The following MAP3K7CL variants were observed in gnomAD, a reference collection of about 807,000 sequenced individuals.
The protein encoded by MAP3K7CL is MAP3K7 C-terminal like, also known as MAP3K7 C-terminal-like protein.
MAP3K7CL carries 16 observed loss-of-function variants against 18.6 expected under a neutral mutation model. The observed-to-expected ratio is 0.86, with a 90% confidence interval of 0.58 to 1.31. MAP3K7CL has a LOEUF of 1.31. Among genes scored for constraint, MAP3K7CL ranks in the 50% most tolerant of loss-of-function variants. The probability of loss-of-function intolerance (pLI) is 0.00; values close to 1 mark genes in which losing one functional copy is unlikely to be tolerated. For missense variants in MAP3K7CL, 163 were observed against 174.4 expected (o/e 0.93, Z 0.37); for synonymous variants, 65 against 66.8 (o/e 0.97, Z 0.13).
At chr21:29,129,238 A>G (rs1201813753), upstream of MAP3K7CL, among the ~76,000 whole-genome samples, 3 of 152,168 alleles carry the variant, frequency 2.0e-5, no homozygotes, top group East Asian at 3.8e-4. Context: ...TGTACATTCT[A>G]TGGGTTTGGA....
At chr21:29,087,001 A>G (rs2085936399) in intron 1 of MAP3K7CL, among the ~76,000 whole-genome samples, 2 of 152,206 alleles carry the variant, frequency 1.3e-5, no homozygotes, top group African/African-American at 4.8e-5. Flanking sequence ...AGTTCCTCTA[A>G]GGAGTGGCAT....
At chr21:29,157,881 T>C (rs867214221) in intron 3 of MAP3K7CL, among the ~76,000 whole-genome samples, 56 of 152,336 alleles carry the variant, frequency 3.7e-4, no homozygotes, top group African/African-American at 1.3e-3. Flanking sequence ...GCAAAAGACA[T>C]ATCTCCCTTT....
intron 4 of MAP3K7CL, among the ~76,000 whole-genome samples, chr21:29,106,747 A>G (rs935133544): frequency 1.3e-5 from 2 of 152,070 alleles, no homozygotes; most frequent in Non-Finnish European, 2.9e-5. Flanking sequence ...TGCGTCTCAG[A>G]CTAGTTTCTG....
intron 3 of MAP3K7CL, among the ~76,000 whole-genome samples, chr21:29,152,116 T>C (rs2087289679): frequency 6.6e-6 from 1 of 152,188 alleles, no homozygotes; most frequent in Admixed American, 6.5e-5. Context: ...GAGTGAGTGT[T>C]ACAAACATTT....
chr21:29,166,247 G>A (rs1021259743), intron 4 of MAP3K7CL, among the ~76,000 whole-genome samples: 3 of 152,084 alleles, frequency 2.0e-5, no homozygotes, highest in Non-Finnish European at 4.4e-5. Context: ...ATAGGAGCGT[G>A]ATTGTGTGGT....
upstream of MAP3K7CL, among the ~76,000 whole-genome samples, chr21:29,130,187 A>G (rs1283925074): frequency 6.6e-6 from 1 of 152,224 alleles, no homozygotes. Flanking sequence ...AATGACATCC[A>G]GGTTTACAGT....
chr21:29,103,285 C>T (rs2832175), intron 4 of MAP3K7CL, among the ~76,000 whole-genome samples: 57,776 of 151,964 alleles, frequency 0.38, 12,274 homozygotes, highest in South Asian at 0.52. Context: ...ACCATTTGGC[C>T]GTATGTTACA....
chr21:29,081,974 T>G (rs190091219), upstream of MAP3K7CL, among the ~76,000 whole-genome samples: 130 of 152,360 alleles, frequency 8.5e-4, no homozygotes, highest in African/African-American at 3.1e-3. Flanking sequence ...CTGATTCTTA[T>G]GTAGAATTTG....
chr21:29,082,057 G>A (rs2085845137), upstream of MAP3K7CL, among the ~76,000 whole-genome samples: 1 of 152,172 alleles, frequency 6.6e-6, no homozygotes, highest in South Asian at 2.1e-4. Flanking sequence ...AAACAGGGAT[G>A]TTTTGACTAC....
rs1266312958 is a variant in MAP3K7CL, at chr21:29,149,363, C to T, written c.132+113C>T. ...ACTGACTTGGACCCAGAATGTGGGG[C>T]TTTGAAGTCATCAAGGATTACATTT... is the stretch of plus-strand genomic sequence containing the variant. On this transcript the variant is annotated intron_variant, in intron 3 of 4. Transcript: ENST00000399928. 1.3e-4 allele frequency: 112 copies of T among 887,756 alleles called. No homozygotes were observed. In the East Asian group the frequency reaches 2.6e-3, roughly 21 times the overall value. The allele number at this position is 887,756 out of a possible 1,614,324, so 55.0% of individuals were successfully genotyped here. A position where few individuals can be genotyped will look rare whatever the true frequency, so the allele number is the denominator to read the frequency against.
intron 2 of MAP3K7CL, among the ~76,000 whole-genome samples, chr21:29,147,934 A>T (rs111067041): frequency 0.024 from 3,492 of 148,178 alleles, 128 homozygotes; most frequent in African/African-American, 0.084. Context: ...CTGTGTATGT[A>T]TCTGTACTGT....
intron 4 of MAP3K7CL, among the ~76,000 whole-genome samples, chr21:29,116,130 C>T (rs933030234): frequency 2.0e-5 from 3 of 152,150 alleles, no homozygotes; most frequent in South Asian, 2.1e-4. Flanking sequence ...TAAACAGTGG[C>T]GACGGGTAGT....
intron 4 of MAP3K7CL, among the ~76,000 whole-genome samples, chr21:29,095,600 C>T (rs781498755): frequency 1.2e-4 from 18 of 152,340 alleles, no homozygotes; most frequent in South Asian, 4.1e-4. Flanking sequence ...TTTCCTTCAC[C>T]TGTGGTCTCC....
Position 29,133,297 on chromosome 21 carries a change from C to T in MAP3K7CL, c.-39-9C>T. The T allele has an allele frequency of 6.5e-7, 1 of 1,546,052 alleles. No individual in the cohort carries two copies. ...ATAAAGTGACAATGGCTCTCTCTTG[C>T]TGTCACAGCTGGAAGACCCAGGAGA... On this transcript the variant is annotated splice_polypyrimidine_tract_variant and intron_variant, in intron 1 of 4. Transcript: ENST00000399928.
chr21:29,095,849 GA>G (rs1346458734), intron 4 of MAP3K7CL, among the ~76,000 whole-genome samples: 1 of 152,132 alleles, frequency 6.6e-6, no homozygotes, highest in African/African-American at 2.4e-5. Context: ...AAGTGTCAAG[GA>G]ATTAACAATT....
intron 3 of MAP3K7CL, chr21:29,092,364 A>G: frequency 1.3e-6 from 2 of 1,554,376 alleles, no homozygotes; most frequent in Non-Finnish European, 8.8e-7. Context: ...AGGGAAAAAA[A>G]GAACTGACAT....
At chr21:29,144,681 T>A (rs2087087438) in intron 2 of MAP3K7CL, among the ~76,000 whole-genome samples, 1 of 152,246 alleles carries the variant, frequency 6.6e-6, no homozygotes, top group Admixed American at 6.5e-5. Context: ...CTGGACCAGA[T>A]GGTTGCCTAG....
intron 4 of MAP3K7CL, among the ~76,000 whole-genome samples, chr21:29,168,433 C>T (rs1047182749): frequency 1.3e-5 from 2 of 152,152 alleles, no homozygotes; most frequent in African/African-American, 4.8e-5. Flanking sequence ...CAAAGGCCTG[C>T]CTCAGTTCTT....
intron 4 of MAP3K7CL, among the ~76,000 whole-genome samples, chr21:29,172,419 G>A (rs2087862433): frequency 6.6e-6 from 1 of 152,148 alleles, no homozygotes; most frequent in African/African-American, 2.4e-5. Context: ...CACAGTGCAT[G>A]TGATGTCTAT....
Sources: allele counts gnomAD v4.1 joint callset (sites outside exome capture counted in the v4.1 genomes callset), GRCh38; gene constraint gnomAD v4.1.1; transcripts MANE v1.5; gene names NCBI Gene and HGNC (gene_info 2026-07-23, HGNC 2026-07-21).